The following FGF9 variants were observed in gnomAD, a reference collection of about 807,000 sequenced individuals.
FGF9 encodes the protein fibroblast growth factor 9 (glia-activating factor).
Under a neutral mutation model 19.9 loss-of-function variants are expected in FGF9, and 3 were observed. The observed-to-expected ratio is 0.15, with a 90% CI of 0.07 to 0.39. FGF9 has a LOEUF of 0.39. Ranked by LOEUF, FGF9 falls within the 10% of genes least tolerant of loss-of-function variation. FGF9 has a pLI of 1.00. For missense variants in FGF9, 175 were observed against 256.8 expected, an observed-to-expected ratio of 0.68 and a Z score of 2.18; for synonymous variants, 107 against 106.9, an observed-to-expected ratio of 1.00 and a Z score of -0.01.
At chr13:21,690,157 CTG>C (rs935603230) in intron 2 of FGF9, among the ~76,000 whole-genome samples, 4 of 152,162 alleles carry the variant, frequency 2.6e-5, no homozygotes, top group Non-Finnish European at 4.4e-5. Flanking sequence ...TGGAAGCTCT[CTG>C]TAATCAGTCA....
chr13:21,686,319 A>G (rs1237082808), intron 2 of FGF9, among the ~76,000 whole-genome samples: 1 of 152,218 alleles, frequency 6.6e-6, no homozygotes, highest in African/African-American at 2.4e-5. Flanking sequence ...GTGAGCCCCC[A>G]TGCTTGGCTT....
chr13:21,686,632 C>T (rs1872165126), intron 2 of FGF9, among the ~76,000 whole-genome samples: 1 of 152,134 alleles, frequency 6.6e-6, no homozygotes, highest in Admixed American at 6.5e-5. Context: ...CTGCTGGTCT[C>T]TTTGTTAGAT....
At position 21,671,384 on chromosome 13, in the gene FGF9, T is replaced by C. The variant is rs1453497701; in HGVS notation, c.-529T>C. On this transcript the variant is annotated 5_prime_UTR_variant, in exon 1 of 3. Coordinates refer to ENST00000382353, the MANE Select transcript of FGF9 (RefSeq NM_002010.3). ...CCGCCACCAACGTGAGATTTTTTTT[T>C]CCCCTTGAAGGATTCATGCTGATGT... The C allele has an allele frequency of 5.0e-6, 2 of 396,438 alleles. No homozygotes were observed. Among genetic ancestry groups the C allele is most frequent in the Admixed American group, 8.8e-5 (2 of 22,696 alleles). The allele number at this position is 396,438 out of a possible 1,614,324, so 24.6% of individuals were successfully genotyped here.
rs750967003 is a variant in FGF9, at chr13:21,696,349, C to T, written c.382-4841C>T. Among the ~76,000 whole-genome samples, 6 of 152,260 alleles carry T rather than the reference C, an allele frequency of 3.9e-5. 1 individual carries two copies. Among genetic ancestry groups the T allele is most frequent in the Admixed American group, 2.0e-4 (3 of 15,292 alleles). ...ACATTCACCAGATTTTGTTCCAAAG[C>T]ATGGACTTTAGTAGACTTTTGAATT... On this transcript the variant is annotated intron_variant, in intron 2 of 2. Coordinates refer to ENST00000382353, the MANE Select transcript of FGF9 (RefSeq NM_002010.3).
At chr13:21,681,473 C>T (rs1872041912) in intron 2 of FGF9, among the ~76,000 whole-genome samples, 1 of 152,250 alleles carries the variant, frequency 6.6e-6, no homozygotes, top group Admixed American at 6.5e-5. Context: ...ATGATCTCCT[C>T]CTAAGCTTTG....
At chr13:21,699,810 C>T (rs747999564) in intron 2 of FGF9, among the ~76,000 whole-genome samples, 10 of 152,158 alleles carry the variant, frequency 6.6e-5, no homozygotes, top group African/African-American at 2.4e-4. Context: ...TTATATAAGG[C>T]GCCAGGTAGG....
intron 2 of FGF9, among the ~76,000 whole-genome samples, chr13:21,687,274 C>T (rs1043069190): frequency 6.6e-6 from 1 of 152,136 alleles, no homozygotes; most frequent in Admixed American, 6.5e-5. Context: ...GTCCCTCTGT[C>T]CCAGAATTGA....
At chr13:21,675,423 G>A (rs897198059) in intron 1 of FGF9, among the ~76,000 whole-genome samples, 1 of 151,966 alleles carries the variant, frequency 6.6e-6, no homozygotes, top group African/African-American at 2.4e-5. Flanking sequence ...TCCCAGCCCC[G>A]CCCGGAACGA....
At chr13:21,678,625 T>C (rs972386530) in intron 1 of FGF9, among the ~76,000 whole-genome samples, 3 of 152,234 alleles carry the variant, frequency 2.0e-5, no homozygotes, top group African/African-American at 7.2e-5. Context: ...TTATTCTTTG[T>C]TGGACCTGAT....
chr13:21,695,113 T>TGA lies in FGF9; in HGVS notation c.382-6076_382-6075insAG, dbSNP rs1555224966. Among the ~76,000 whole-genome samples the TGA allele has an allele frequency of 5.7e-3, 860 of 151,078 alleles. 11 individuals carry two copies. Among genetic ancestry groups the TGA allele is most frequent in the African/African-American group, 0.02 (827 of 40,720 alleles). On this transcript the variant is annotated intron_variant, in intron 2 of 2. Transcript: ENST00000382353. ...GTGTGTGTGTGTGTGTGTGTGTGTG[T>TGA]GTGAGAGAGACTAGATTCAGCCTGG...
In FGF9 at chr13:21,701,644, C is replaced by A; in HGVS notation, c.*209C>A. ...TCTCCTCCTGGAGGGCTGCCTAGGG[C>A]CACTTGCTTGATTTATCATGAGAGA... On this transcript the variant is annotated 3_prime_UTR_variant, in exon 3 of 3. Transcript: ENST00000382353. 1.7e-6 allele frequency: 1 copy of A among 591,918 alleles called. No homozygotes were observed. The highest frequency in any genetic ancestry group is 2.9e-6 in the Non-Finnish European group (1 of 339,430). 36.7% of individuals were successfully genotyped at this position (591,918 alleles called of 1,614,324 possible). A position where few individuals can be genotyped will look rare whatever the true frequency, so the allele number is the denominator to read the frequency against.
At chr13:21,699,936 G>A (rs932369490) in intron 2 of FGF9, among the ~76,000 whole-genome samples, 3 of 152,108 alleles carry the variant, frequency 2.0e-5, no homozygotes, top group Admixed American at 2.0e-4. Flanking sequence ...AGGCCAGTAA[G>A]TCCTGTCACC....
Position 21,672,259 on chromosome 13 carries a change from T to C in FGF9, c.277+70T>C. On this transcript the variant is annotated intron_variant, in intron 1 of 2. Coordinates refer to ENST00000382353, the MANE Select transcript of FGF9 (RefSeq NM_002010.3). The surrounding 1 kb of genome is among the most constrained non-coding windows in gnomAD (Gnocchi z 4.2). Reference sequence around the variant, plus strand: ...GAAATTATAACTACCAAGAAGGTGGTGGCCGGGTGGGGGACGTGGGAAGGG... The same window carrying C: ...GAAATTATAACTACCAAGAAGGTGGCGGCCGGGTGGGGGACGTGGGAAGGG... 6.4e-7 allele frequency: 1 copy of C among 1,571,642 alleles called. No individual in the cohort carries two copies. The highest frequency in any genetic ancestry group is 8.7e-7 in the Non-Finnish European group (1 of 1,143,372).
intron 2 of FGF9, among the ~76,000 whole-genome samples, chr13:21,697,731 C>T (rs1170391872): frequency 6.6e-6 from 1 of 152,024 alleles, no homozygotes; most frequent in Non-Finnish European, 1.5e-5. Flanking sequence ...TGCTATTTTC[C>T]TGCCCTCTCC....
Position 21,698,551 on chromosome 13 carries a change from A to C in FGF9, c.382-2639A>C, listed in dbSNP as rs527779305. 2.8e-4 allele frequency among the ~76,000 whole-genome samples: 43 copies of C among 152,294 alleles called. 1 individual carries two copies. Among genetic ancestry groups the C allele is most frequent in the African/African-American group, 9.1e-4 (38 of 41,554 alleles). On this transcript the variant is annotated intron_variant, in intron 2 of 2. Coordinates refer to ENST00000382353, the MANE Select transcript of FGF9 (RefSeq NM_002010.3). ...AAGCCCTGCAGCTAGTGACGGGTGA[A>C]GCTGGGATAGGAGCAGGCTTCTCAC...
intron 1 of FGF9, among the ~76,000 whole-genome samples, chr13:21,673,153 T>TA (rs201910373): frequency 2.2e-3 from 314 of 144,220 alleles, no homozygotes; most frequent in South Asian, 3.8e-3. Flanking sequence ...TTTCCTTACT[T>TA]AAAAAAAAAA....
At chr13:21,678,436 A>T (rs1374180755) in intron 1 of FGF9, among the ~76,000 whole-genome samples, 1 of 152,234 alleles carries the variant, frequency 6.6e-6, no homozygotes, top group African/African-American at 2.4e-5. Flanking sequence ...ACTGGGGATT[A>T]GAATATTGTA....
In FGF9 at chr13:21,676,413, A is replaced by T. The variant is rs571777010; in HGVS notation, c.277+4224A>T. ...TTTGAACTTTAATTCTGTTCTATGT[A>T]TCTGACTCTTCAATGTCTCAGGAAA... On this transcript the variant is annotated intron_variant, in intron 1 of 2. Coordinates refer to ENST00000382353, the MANE Select transcript of FGF9 (RefSeq NM_002010.3). Among the ~76,000 whole-genome samples the T allele has an allele frequency of 5.3e-5, 8 of 152,204 alleles. No individual in the cohort carries two copies. The South Asian group carries it at 1.2e-3, about 24-fold the overall frequency.
intron 2 of FGF9, among the ~76,000 whole-genome samples, chr13:21,694,160 CCA>C (rs1872354080): frequency 6.6e-6 from 1 of 152,048 alleles, no homozygotes; most frequent in South Asian, 2.1e-4. Flanking sequence ...ATCGACTCAC[CCA>C]CAGTTACCCG....
Sources: gnomAD v4.1 joint callset for allele counts (sites outside exome capture counted in the v4.1 genomes callset) on GRCh38, gnomAD v4.1.1 for gene constraint, Gnocchi (gnomAD v3.1) non-coding constraint, MANE v1.5 for transcripts, NCBI Gene and HGNC (gene_info 2026-07-23, HGNC 2026-07-21) for gene names.